The following CPEB4 variants were observed in gnomAD, a reference collection of about 807,000 sequenced individuals.
The protein encoded by CPEB4 is cytoplasmic polyadenylation element-binding protein 4.
Under a neutral mutation model 72.5 loss-of-function variants are expected in CPEB4, and 12 were observed. That is an observed-to-expected ratio of 0.17 (90% confidence interval 0.11 to 0.27). The LOEUF (loss-of-function observed/expected upper bound fraction) is 0.27. CPEB4 is among the 10% of genes least tolerant of loss of function. The pLI is 1.00. For missense variants in CPEB4, 614 were observed against 908.5 expected (o/e 0.68, Z 4.17); for synonymous variants, 302 against 326.3 (o/e 0.93, Z 0.80).
chr5:173,910,328 CTT>C (rs1000611004), intron 1 of CPEB4, among the ~76,000 whole-genome samples, 193 bp from the exon 2 acceptor site: 3 of 152,104 alleles, frequency 2.0e-5, no homozygotes, highest in African/African-American at 7.2e-5. Flanking sequence ...TCAAATCACT[CTT>C]TGCTGAGCCC....
rs1225138677 is a variant in CPEB4 at position 173,955,473 on chromosome 5, C to T, written c.1963-437C>T. Among the ~76,000 whole-genome samples the T allele has an allele frequency of 2.0e-5, 3 of 152,062 alleles. No homozygotes were observed. Among genetic ancestry groups the T allele is most frequent in the East Asian group, 1.9e-4 (1 of 5,184 alleles). On this transcript the variant is annotated intron_variant, in intron 9 of 9. Transcript: ENST00000265085. This position sits in a 1 kb window ranked among gnomAD's most constrained non-coding sequence, Gnocchi z 4.7. The stretch of plus-strand genomic sequence containing the variant: ...ACGCAGTAGTCAGGCATCTTCACAC[C>T]AACTTGAATATTGAAGTGCAGTTGT...
intron 2 of CPEB4, among the ~76,000 whole-genome samples, chr5:173,925,178 G>A (rs1581140170): frequency 6.6e-6 from 1 of 152,302 alleles, no homozygotes; most frequent in East Asian, 1.9e-4. Flanking sequence ...TGCCTGATGT[G>A]GGAAGGGAAA....
At position 173,889,645 on chromosome 5, in the gene CPEB4, A is replaced by G. The variant is rs1475382586; in HGVS notation, c.-89A>G. 5.3e-6 allele frequency: 6 copies of G among 1,132,762 alleles called. No homozygotes were observed. Among genetic ancestry groups the G allele is most frequent in the African/African-American group, 1.5e-5 (1 of 64,572 alleles). The allele number at this position is 1,132,762 out of a possible 1,614,324, so 70.2% of individuals were successfully genotyped here. ...TAAGACATTTCAAGCAAGCAAGCAA[A>G]CAACTTAAATTTGGGGTAGAGGAAA... On this transcript the variant is annotated 5_prime_UTR_variant, in exon 1 of 10. Transcript: ENST00000265085.
At chr5:173,911,859 G>A (rs981785295) in intron 2 of CPEB4, among the ~76,000 whole-genome samples, 1 of 152,044 alleles carries the variant, frequency 6.6e-6, no homozygotes, top group Non-Finnish European at 1.5e-5. Context: ...AAGGTGACAA[G>A]GCAGCCTGTT....
At chr5:173,941,476 A>G (rs1581160320) in intron 3 of CPEB4, among the ~76,000 whole-genome samples, 1 of 152,246 alleles carries the variant, frequency 6.6e-6, no homozygotes, top group East Asian at 1.9e-4. Flanking sequence ...TTTGGAAGAT[A>G]CTCACATAAT....
At position 173,953,116 on chromosome 5, in the gene CPEB4, G is replaced by C; in HGVS notation, c.1806G>C (p.Arg602=). The C allele has an allele frequency of 6.2e-7, 1 of 1,610,806 alleles. No homozygotes were observed. The highest frequency in any genetic ancestry group is 1.1e-5 in the South Asian group (1 of 90,662). The change falls in exon 9 of 10, where the codon CGG becomes CGC. Residue 602 remains arginine, a synonymous_variant. Transcript: ENST00000265085. ...TGGAGCTTGCGATGATAATGGATCG[G>C]CTATATGGAGGTGTGTGCTACGCTG... The part of the protein sequence containing the change: ...RAVELAMIMD[R]LYGGVCYAGI...
chr5:173,904,086 A>G (rs767704528), intron 1 of CPEB4, among the ~76,000 whole-genome samples: 1 of 152,208 alleles, frequency 6.6e-6, no homozygotes, highest in Admixed American at 6.5e-5. Context: ...CTTAGCCTTG[A>G]AAATCATTGG....
In CPEB4 at chr5:173,960,090, A is replaced by AT. The variant is rs1272388182; in HGVS notation, c.*3959dup. 6.6e-6 allele frequency: 1 copy of AT among 152,632 alleles called. No individual in the cohort carries two copies. Among genetic ancestry groups the AT allele is most frequent in the Non-Finnish European group, 1.5e-5 (1 of 67,982 alleles). The allele number at this position is 152,632 out of a possible 1,614,324, so 9.5% of individuals were successfully genotyped here. A position where few individuals can be genotyped will look rare whatever the true frequency, so the allele number is the denominator to read the frequency against. On this transcript the variant is annotated 3_prime_UTR_variant, in exon 10 of 10. Transcript: ENST00000265085. ...ATAGCATTTTAAATAAGGGTAATTCATTTTTTATTAAAGTCATTTTCACGT... is the reference window on the plus strand; with the variant it reads ...ATAGCATTTTAAATAAGGGTAATTCATTTTTTTATTAAAGTCATTTTCACGT...
intron 3 of CPEB4, among the ~76,000 whole-genome samples, chr5:173,939,388 G>A (rs1033068075): frequency 6.6e-6 from 1 of 151,964 alleles, no homozygotes; most frequent in African/African-American, 2.4e-5. Context: ...CCACCTACTA[G>A]GTGTTTCTTC....
intron 1 of CPEB4, among the ~76,000 whole-genome samples, chr5:173,891,772 G>GTATA (rs1303709261): frequency 2.9e-4 from 44 of 152,118 alleles, no homozygotes; most frequent in Non-Finnish European, 2.8e-4. Flanking sequence ...TCCACTAAAT[G>GTATA]TATATACTTT....
chr5:173,927,862 C>G (rs1436723865), intron 2 of CPEB4, among the ~76,000 whole-genome samples: 1 of 152,116 alleles, frequency 6.6e-6, no homozygotes, highest in Non-Finnish European at 1.5e-5. Flanking sequence ...TTTATGACGG[C>G]TTTATTCATA....
chr5:173,906,704 C>G (rs1756447712), intron 1 of CPEB4, among the ~76,000 whole-genome samples: 2 of 152,110 alleles, frequency 1.3e-5, no homozygotes, highest in African/African-American at 4.8e-5. Flanking sequence ...TACTTGTCAT[C>G]CCTGTATTAA....
chr5:173,923,809 C>T (rs1757153133), intron 2 of CPEB4, among the ~76,000 whole-genome samples: 1 of 152,078 alleles, frequency 6.6e-6, no homozygotes, highest in South Asian at 2.1e-4. Flanking sequence ...GGTATCATAA[C>T]ATCCTCTTAA....
chr5:173,888,786 AG>A lies in CPEB4; in HGVS notation c.-944del, dbSNP rs1755698822. ...GGAAAAAAACCCCGGAGCCGCAGAGAGGGGAAGAGGCAGAAACCGCAGGACC... is the reference window on the plus strand; with the variant it reads ...GGAAAAAAACCCCGGAGCCGCAGAGAGGGAAGAGGCAGAAACCGCAGGACC... On this transcript the variant is annotated 5_prime_UTR_variant, in exon 1 of 10. The change abolishes the stop of an existing upstream ORF in the 5' untranslated region. Transcript: ENST00000265085. This position sits in a 1 kb window ranked among gnomAD's most constrained non-coding sequence, Gnocchi z 4.3. 2 of 366,520 alleles carry A rather than the reference AG, an allele frequency of 5.5e-6. No individual in the cohort carries two copies. The highest frequency in any genetic ancestry group is 2.9e-4 in the South Asian group (2 of 6,904). The allele number at this position is 366,520 out of a possible 1,614,324, so 22.7% of individuals were successfully genotyped here.
At chr5:173,907,546 CAT>C (rs1561610390) in intron 1 of CPEB4, among the ~76,000 whole-genome samples, 1 of 152,102 alleles carries the variant, frequency 6.6e-6, no homozygotes. Flanking sequence ...CAAAAGAAAA[CAT>C]ACAGCTCTTT....
intron 3 of CPEB4, among the ~76,000 whole-genome samples, chr5:173,940,937 C>T (rs1290136427): frequency 6.6e-6 from 1 of 152,104 alleles, no homozygotes; most frequent in Non-Finnish European, 1.5e-5. Flanking sequence ...TTATAGTATA[C>T]AATCAAAGTT....
chr5:173,934,297 G>A (rs1434845892), intron 3 of CPEB4, among the ~76,000 whole-genome samples: 5 of 151,962 alleles, frequency 3.3e-5, no homozygotes, highest in Admixed American at 3.3e-4. Flanking sequence ...AAAAATAAAA[G>A]TAACTTTTTC....
chr5:173,943,900 A>T (rs1757930853), intron 4 of CPEB4, among the ~76,000 whole-genome samples: 1 of 152,228 alleles, frequency 6.6e-6, no homozygotes, highest in Admixed American at 6.5e-5. Context: ...CCATTAACAA[A>T]TTCCTCATGT....
chr5:173,932,331 T>C (rs892983395), intron 2 of CPEB4, 119 bp from the exon 3 acceptor site: 7 of 641,744 alleles, frequency 1.1e-5, no homozygotes, highest in South Asian at 2.3e-5. Flanking sequence ...CTGATTGATA[T>C]ATCCTCTGAT....
Sources: gnomAD v4.1 joint callset for allele counts (sites outside exome capture counted in the v4.1 genomes callset) on GRCh38, gnomAD v4.1.1 for gene constraint, Gnocchi (gnomAD v3.1) non-coding constraint, MANE v1.5 for transcripts, NCBI Gene and HGNC (gene_info 2026-07-23, HGNC 2026-07-21) for gene names.